TEX11: variants seen among roughly 807,000 people sequenced by gnomAD.
The protein encoded by TEX11 is testis expressed 11, also known as testis-expressed protein 11.
In TEX11, 7 loss-of-function variants were observed where a neutral mutation model predicts 84.4. The ratio of observed to expected loss-of-function variants is 0.08; its 90% CI spans 0.05 to 0.16. The LOEUF is 0.16. TEX11 is among the 10% of genes least tolerant of loss of function. TEX11 has a pLI of 1.00. For synonymous variants in TEX11, 264 were observed against 222.8 expected (o/e 1.18, Z -1.64); for missense variants, 551 against 660.5 (o/e 0.83, Z 1.82).
At chrX:70,826,549 C>T (rs1225671104) in intron 8 of TEX11, among the ~76,000 whole-genome samples, 1 of 111,790 alleles carries the variant, frequency 8.9e-6, no homozygotes, top group Non-Finnish European at 1.9e-5. Context: ...CACCCCTCCC[C>T]GCTTCCCTGG....
At chrX:70,626,416 CTA>C (rs1156467576) in intron 18 of TEX11, among the ~76,000 whole-genome samples, 1 of 110,385 alleles carries the variant, frequency 9.1e-6, no homozygotes, top group Admixed American at 9.7e-5. Context: ...TACTTTCTGT[CTA>C]CCGCCTCTTA....
At chrX:70,567,469 C>A (rs1259269141) in intron 25 of TEX11, among the ~76,000 whole-genome samples, 1 of 110,714 alleles carries the variant, frequency 9.0e-6, no homozygotes, top group East Asian at 2.8e-4. Flanking sequence ...TTTGCTCTTG[C>A]TTTTCTAGTT....
chrX:70,759,773 G>A (rs1335018218), intron 9 of TEX11, among the ~76,000 whole-genome samples: 1 of 111,423 alleles, frequency 9.0e-6, no homozygotes, highest in Non-Finnish European at 1.9e-5. Flanking sequence ...GGACAATCAG[G>A]CAAGAGAAAG....
In TEX11 at chrX:70,870,324, A is replaced by G. The variant is rs148391087; in HGVS notation, c.244+2899T>C. On this transcript the variant is annotated intron_variant, in intron 4 of 29. Coordinates refer to ENST00000374333, the MANE Select transcript of TEX11 (RefSeq NM_031276.3). ...AATGCACTCAATAAATGACTAATAA[A>G]TATCCTGTAGAATTTTTTTTTGTTT... 9.2e-3 allele frequency among the ~76,000 whole-genome samples: 1,015 copies of G among 110,853 alleles called. 8 individuals are homozygous for G. The highest frequency in any genetic ancestry group is 0.031 in the African/African-American group (960 of 30,537).
At chrX:70,580,062 T>A (rs2088749839) in intron 25 of TEX11, among the ~76,000 whole-genome samples, 1 of 112,214 alleles carries the variant, frequency 8.9e-6, no homozygotes, top group South Asian at 3.7e-4. Context: ...TAACTGCCCA[T>A]CAGCAGATGA....
chrX:70,879,744 T>A (rs1267904834), intron 3 of TEX11, among the ~76,000 whole-genome samples: 1 of 110,930 alleles, frequency 9.0e-6, no homozygotes, highest in Non-Finnish European at 1.9e-5. Flanking sequence ...CTGGGGAGGT[T>A]AATAAATATT....
intron 20 of TEX11, among the ~76,000 whole-genome samples, chrX:70,621,258 C>T (rs766871668): frequency 3.7e-5 from 4 of 106,873 alleles, no homozygotes; most frequent in South Asian, 4.3e-4. Context: ...CACGGTGGCT[C>T]ACACCTGTAA....
chrX:70,907,746 T>G lies in TEX11; in HGVS notation c.37+7A>C, dbSNP rs374722142. 2 of 1,163,791 alleles carry G rather than the reference T, an allele frequency of 1.7e-6. No individual in the cohort carries two copies. Among genetic ancestry groups the G allele is most frequent in the East Asian group, 5.9e-5 (2 of 33,682 alleles). ...ACTATTTTGTACTACCACGTAGAGCTACGTACCTTTAAAGTCCATGGAAAA... is the reference window on the plus strand; with the variant it reads ...ACTATTTTGTACTACCACGTAGAGCGACGTACCTTTAAAGTCCATGGAAAA... On this transcript the variant is annotated splice_region_variant and intron_variant, in intron 2 of 29. Coordinates refer to ENST00000374333, the MANE Select transcript of TEX11 (RefSeq NM_031276.3).
intron 11 of TEX11, 55 bp from the exon 12 acceptor site, chrX:70,725,398 A>G: frequency 1.1e-6 from 1 of 878,533 alleles, no homozygotes; most frequent in East Asian, 3.2e-5. Context: ...GTAAAAGACA[A>G]TTTTCAAGTA....
intron 9 of TEX11, among the ~76,000 whole-genome samples, chrX:70,753,468 C>G (rs1266927053): frequency 1.4e-5 from 1 of 72,032 alleles, no homozygotes; most frequent in African/African-American, 3.9e-5. Context: ...AGCTCCTGAA[C>G]ATTTTTCTAA....
chrX:70,575,314 T>C (rs1199170565), intron 25 of TEX11, among the ~76,000 whole-genome samples: 2 of 111,743 alleles, frequency 1.8e-5, no homozygotes, highest in African/African-American at 3.2e-5. Context: ...ACTTTCAGCC[T>C]ACTGTGGTTT....
intron 25 of TEX11, among the ~76,000 whole-genome samples, chrX:70,571,588 C>G (rs1162665336): frequency 9.0e-6 from 1 of 111,009 alleles, no homozygotes; most frequent in Non-Finnish European, 1.9e-5. Context: ...TTGATTTTTT[C>G]TTTGACTGAT....
intron 11 of TEX11, among the ~76,000 whole-genome samples, chrX:70,733,488 T>C (rs1201615009): frequency 9.0e-6 from 1 of 111,290 alleles, no homozygotes; most frequent in Non-Finnish European, 1.9e-5. Context: ...AACAAGTTGG[T>C]GAAGGATATG....
Position 70,605,510 on chromosome X carries a change from T to C in TEX11, c.1958A>G (p.Gln653Arg). The change falls in exon 24 of 30, where the codon CAG (glutamine) becomes CGG (arginine). Residue 653 changes from glutamine (Q) to arginine (R), a missense_variant. Physicochemically the swap from Gln to Arg is conservative, Grantham distance 43. Coordinates refer to ENST00000374333, the MANE Select transcript of TEX11 (RefSeq NM_031276.3). ...AATTACTTGATCAGAAGGACAAAAC[T>C]GGGACATCTGATAAGAAGTAACCAG... is the stretch of plus-strand genomic sequence containing the variant. ...EFFILSYKMS[Q>R]FCPSDQVILI... 1 of 1,179,295 alleles carries C rather than the reference T, an allele frequency of 8.5e-7. No homozygotes were observed. Among genetic ancestry groups the C allele is most frequent in the Non-Finnish European group, 1.2e-6 (1 of 868,156 alleles).
At chrX:70,780,179 C>T (rs867957688) in intron 9 of TEX11, among the ~76,000 whole-genome samples, 11 of 111,439 alleles carry the variant, frequency 9.9e-5, no homozygotes, top group Middle Eastern at 9.2e-3. Context: ...GAGGCTGAGA[C>T]AGGAGAATCG....
chrX:70,717,172 C>CAA (rs11430709), intron 13 of TEX11, among the ~76,000 whole-genome samples: 51 of 96,344 alleles, frequency 5.3e-4, no homozygotes, highest in Admixed American at 1.1e-3. Flanking sequence ...GGTGAAATTT[C>CAA]AAAAAAAAAA....
intron 11 of TEX11, among the ~76,000 whole-genome samples, chrX:70,734,849 G>C (rs1013415658): frequency 9.9e-5 from 11 of 111,205 alleles, no homozygotes; most frequent in Non-Finnish European, 1.9e-4. Flanking sequence ...ACCTGACAAA[G>C]GGCATCTATA....
intron 7 of TEX11, among the ~76,000 whole-genome samples, chrX:70,840,018 G>C (rs189739169): frequency 8.9e-6 from 1 of 112,050 alleles, no homozygotes; most frequent in Non-Finnish European, 1.9e-5. Context: ...GTAGCTGAAA[G>C]TGATGGGGAG....
intron 9 of TEX11, among the ~76,000 whole-genome samples, chrX:70,759,507 A>C (rs1304156232): frequency 8.9e-6 from 1 of 112,162 alleles, no homozygotes; most frequent in Admixed American, 9.5e-5. Flanking sequence ...AACCAACAAC[A>C]AAAACCATAT....
Sources: allele counts gnomAD v4.1 joint callset (sites outside exome capture counted in the v4.1 genomes callset), GRCh38; gene constraint gnomAD v4.1.1; transcripts MANE v1.5; gene names NCBI Gene and HGNC (gene_info 2026-07-23, HGNC 2026-07-21).